CTNNA3: variants seen among roughly 807,000 people sequenced by gnomAD.
The protein encoded by CTNNA3 is catenin alpha 3, also known as catenin alpha-3.
Under a neutral mutation model 95.7 loss-of-function variants are expected in CTNNA3, and 76 were observed. That is an observed-to-expected ratio of 0.79 (90% CI 0.66 to 0.96). The LOEUF is 0.96. Among genes scored for constraint, CTNNA3 ranks in the 40% least tolerant of loss-of-function variants. The probability of loss-of-function intolerance (pLI) is 0.00; values close to 1 mark genes in which losing one functional copy is unlikely to be tolerated. For missense variants in CTNNA3, 1,191 were observed against 1,089.8 expected, an observed-to-expected ratio of 1.09 and a Z score of -1.31; for synonymous variants, 431 against 374.4, an observed-to-expected ratio of 1.15 and a Z score of -1.74.
intron 6 of CTNNA3, among the ~76,000 whole-genome samples, chr10:67,193,091 C>T (rs531389727): frequency 4.6e-5 from 7 of 151,896 alleles, no homozygotes; most frequent in African/African-American, 1.4e-4. Context: ...AGTGAAGCAG[C>T]AGTTGCCACA....
chr10:66,298,677 CTCCTTCCCCATA>C (rs1227103011), intron 12 of CTNNA3, among the ~76,000 whole-genome samples: 2 of 152,122 alleles, frequency 1.3e-5, no homozygotes, highest in Admixed American at 6.5e-5. Flanking sequence ...ATCATGTCTT[CTCCTTCCCCATA>C]GTATCTATAG....
rs535541851 is a variant in CTNNA3 at position 66,801,204 on chromosome 10, A to C, written c.1048-25680T>G. Among the ~76,000 whole-genome samples the C allele has an allele frequency of 1.9e-4, 29 of 151,540 alleles. No individual in the cohort carries two copies. The East Asian group carries it at 5.2e-3, about 27-fold the overall frequency. ...AAAGTACAAAGAAAAAATGTCTCAC[A>C]CATCGTGATTTACAGACAACAAAAT... On this transcript the variant is annotated intron_variant, in intron 7 of 17. Coordinates refer to ENST00000433211, the MANE Select transcript of CTNNA3 (RefSeq NM_013266.4).
At chr10:67,720,129 C>CTTTGTTTTTTTTT (rs1841170827) in intron 1 of CTNNA3, among the ~76,000 whole-genome samples, 1 of 6,614 alleles carries the variant, frequency 1.5e-4, no homozygotes, top group Non-Finnish European at 3.6e-4. Context: ...GCAACCCCTG[C>CTTTGTTTTTTTTT]TTTTTTTTTT....
chr10:66,745,788 A>G (rs1228727417), intron 9 of CTNNA3, among the ~76,000 whole-genome samples: 1 of 145,000 alleles, frequency 6.9e-6, no homozygotes, highest in Non-Finnish European at 1.5e-5. Context: ...TTTAGTAGAG[A>G]TGGAGTTTCA....
At chr10:65,923,075 T>C (rs2077115432) in intron 17 of CTNNA3, among the ~76,000 whole-genome samples, 1 of 152,086 alleles carries the variant, frequency 6.6e-6, no homozygotes. Flanking sequence ...TACAGGTCGC[T>C]CCCTCACACT....
chr10:67,213,573 T>G (rs1864229057), intron 6 of CTNNA3, among the ~76,000 whole-genome samples: 1 of 151,834 alleles, frequency 6.6e-6, no homozygotes, highest in African/African-American at 2.4e-5. Flanking sequence ...TAAGCATGTA[T>G]AGGTGAGAAA....
At position 65,920,617 on chromosome 10, in the gene CTNNA3, A is replaced by G. The variant is rs760910940; in HGVS notation, c.2401T>C (p.Leu801=). ...TGGATCAGGGATGTGACACTGTCCA[A>G]CTGTAGGGAAAAAAGAGAAAAAAGA... ...NLGGELIMSA[L]DSVTSLIQAA... is the part of the protein sequence containing the mutation. Residue 801 remains leucine, a splice_region_variant and synonymous_variant, in exon 18 of 18, where the codon TTG becomes CTG. Coordinates refer to ENST00000433211, the MANE Select transcript of CTNNA3 (RefSeq NM_013266.4). The G allele has an allele frequency of 5.0e-6, 8 of 1,604,540 alleles. No individual in the cohort carries two copies. In the South Asian group the frequency reaches 6.7e-5, roughly 13 times the overall value.
At chr10:67,361,194 C>T (rs1047307686) in intron 5 of CTNNA3, among the ~76,000 whole-genome samples, 15 of 152,142 alleles carry the variant, frequency 9.9e-5, no homozygotes, top group Admixed American at 3.3e-4. Flanking sequence ...TTCAACACAC[C>T]ACTGACAGCA....
At chr10:67,751,176 C>T (rs577753364) in intron 1 of CTNNA3, 12 of 1,270,896 alleles carry the variant, frequency 9.4e-6, no homozygotes, top group Admixed American at 5.1e-5. Flanking sequence ...CTGGAGGGCC[C>T]GTAACATGTT....
intron 3 of CTNNA3, 23 bp from the exon 4 acceptor site, chr10:67,539,692 A>C (rs1840609422): frequency 6.2e-7 from 1 of 1,603,666 alleles, no homozygotes; most frequent in Admixed American, 1.7e-5. Context: ...ACCCCATATA[A>C]GTTATACTTT....
intron 7 of CTNNA3, among the ~76,000 whole-genome samples, chr10:66,936,960 T>C (rs1847738849): frequency 6.6e-6 from 1 of 152,154 alleles, no homozygotes; most frequent in African/African-American, 2.4e-5. Context: ...GCAAAGACCT[T>C]TGTAAAGCAC....
chr10:67,197,249 G>A (rs1002671267), intron 6 of CTNNA3, among the ~76,000 whole-genome samples: 1 of 151,960 alleles, frequency 6.6e-6, no homozygotes, highest in African/African-American at 2.4e-5. Flanking sequence ...TATTCCTGTG[G>A]AGTTCTCCCA....
Position 65,915,377 on chromosome 10 carries a change from A to G in CTNNA3, c.*4953T>C, listed in dbSNP as rs2076993555. On this transcript the variant is annotated 3_prime_UTR_variant, in exon 18 of 18. Coordinates refer to ENST00000433211, the MANE Select transcript of CTNNA3 (RefSeq NM_013266.4). ...TCCTCAGGAGGGCTGCCTAATCTTC[A>G]TAAAACCAAAAAACTCTCCCCTCAT... The G allele has an allele frequency of 6.6e-6, 1 of 151,872 alleles. No individual in the cohort carries two copies. Among genetic ancestry groups the G allele is most frequent in the Non-Finnish European group, 1.5e-5 (1 of 67,984 alleles). 9.4% of individuals were successfully genotyped at this position (151,872 alleles called of 1,614,324 possible).
At chr10:66,858,476 T>C (rs1318195781) in intron 7 of CTNNA3, among the ~76,000 whole-genome samples, 1 of 152,068 alleles carries the variant, frequency 6.6e-6, no homozygotes, top group Non-Finnish European at 1.5e-5. Flanking sequence ...GTAGGAATAG[T>C]ACCCGCTTTT....
intron 1 of CTNNA3, among the ~76,000 whole-genome samples, chr10:67,740,727 C>T (rs1841332131): frequency 6.6e-6 from 1 of 151,328 alleles, no homozygotes; most frequent in South Asian, 2.1e-4. Context: ...TAAACTAGTT[C>T]AACCATTGTG....
intron 11 of CTNNA3, among the ~76,000 whole-genome samples, chr10:66,452,111 T>A (rs1279989700): frequency 2.0e-5 from 3 of 152,232 alleles, no homozygotes; most frequent in African/African-American, 7.2e-5. Context: ...GGCAGTGTAA[T>A]TGCCTGATGG....
chr10:66,858,483 T>A (rs1265779172), intron 7 of CTNNA3, among the ~76,000 whole-genome samples: 1 of 152,054 alleles, frequency 6.6e-6, no homozygotes, highest in African/African-American at 2.4e-5. Context: ...TAGTACCCGC[T>A]TTTTTATACA....
intron 12 of CTNNA3, among the ~76,000 whole-genome samples, chr10:66,313,067 G>A (rs1420961705): frequency 1.3e-5 from 2 of 152,202 alleles, no homozygotes; most frequent in African/African-American, 4.8e-5. Flanking sequence ...AGATTGAGAA[G>A]AGAGAGAGTG....
At chr10:66,237,509 C>A (rs370893038) in intron 13 of CTNNA3, among the ~76,000 whole-genome samples, 1 of 151,536 alleles carries the variant, frequency 6.6e-6, no homozygotes, top group African/African-American at 2.4e-5. Context: ...TGATTGGCTT[C>A]AACATTTGCT....
Sources: gnomAD v4.1 joint callset for allele counts (sites outside exome capture counted in the v4.1 genomes callset) on GRCh38, gnomAD v4.1.1 for gene constraint, MANE v1.5 for transcripts, NCBI Gene and HGNC (gene_info 2026-07-23, HGNC 2026-07-21) for gene names.